TMEM132D: variants seen among roughly 807,000 people sequenced by gnomAD.
TMEM132D encodes the protein mature OL transmembrane protein.
In TMEM132D, 21 loss-of-function variants were observed where a neutral mutation model predicts 62.3. The ratio of observed to expected loss-of-function variants is 0.34; its 90% CI spans 0.24 to 0.49. The LOEUF is 0.49. Among genes scored for constraint, TMEM132D ranks in the 20% least tolerant of loss-of-function variants. The probability of loss-of-function intolerance (pLI) is 0.99; values close to 1 mark genes in which losing one functional copy is unlikely to be tolerated. For synonymous variants in TMEM132D, 621 were observed against 575.6 expected (o/e 1.08, Z -1.13); for missense variants, 1,346 against 1,402.8 (o/e 0.96, Z 0.65).
chr12:129,124,303 G>A (rs749791100), intron 5 of TMEM132D, among the ~76,000 whole-genome samples: 7 of 152,028 alleles, frequency 4.6e-5, no homozygotes, highest in Admixed American at 1.3e-4. Context: ...CACCTTGAAC[G>A]TAGAGGTACT....
chr12:129,381,454 T>A (rs964676873), intron 3 of TMEM132D, among the ~76,000 whole-genome samples: 1 of 152,174 alleles, frequency 6.6e-6, no homozygotes. Flanking sequence ...GTTTGGGACA[T>A]CCTTTTTGTT....
At chr12:129,691,948 G>A (rs983275797) in intron 2 of TMEM132D, among the ~76,000 whole-genome samples, 3 of 151,954 alleles carry the variant, frequency 2.0e-5, no homozygotes, top group African/African-American at 7.3e-5. Flanking sequence ...ATCTATTAAA[G>A]AAGAGTAAAT....
intron 3 of TMEM132D, among the ~76,000 whole-genome samples, chr12:129,480,445 G>A (rs1232934554): frequency 6.6e-6 from 1 of 152,224 alleles, no homozygotes; most frequent in Non-Finnish European, 1.5e-5. Flanking sequence ...GAGCAGACAG[G>A]GAAGGACAAA....
chr12:129,703,667 C>A (rs758656619), intron 1 of TMEM132D, among the ~76,000 whole-genome samples: 1 of 152,038 alleles, frequency 6.6e-6, no homozygotes, highest in East Asian at 1.9e-4. Flanking sequence ...GCTAATAATT[C>A]GCTAAGGACA....
chr12:129,276,562 T>C (rs1246709432), intron 4 of TMEM132D, among the ~76,000 whole-genome samples: 2 of 152,178 alleles, frequency 1.3e-5, no homozygotes, highest in Non-Finnish European at 2.9e-5. Context: ...CCAGATAAAG[T>C]CGTGCAGGCG....
intron 1 of TMEM132D, chr12:129,854,826 G>C (rs531758759): frequency 2.6e-4 from 40 of 152,396 alleles, no homozygotes; most frequent in African/African-American, 9.4e-4. Context: ...GCTGGGATCT[G>C]AGCCGAGCCA....
intron 2 of TMEM132D, among the ~76,000 whole-genome samples, chr12:129,618,657 T>C (rs989915785): frequency 3.3e-5 from 5 of 152,242 alleles, no homozygotes; most frequent in Non-Finnish European, 1.5e-5. Flanking sequence ...ACTGTGTATT[T>C]AAATTATTTA....
intron 2 of TMEM132D, among the ~76,000 whole-genome samples, chr12:129,580,283 T>C (rs1260573370): frequency 6.6e-6 from 1 of 152,196 alleles, no homozygotes; most frequent in Non-Finnish European, 1.5e-5. Context: ...GCCATCAGAT[T>C]ACACCTGCAC....
At chr12:129,097,261 A>T (rs771347807) in intron 5 of TMEM132D, among the ~76,000 whole-genome samples, 3 of 151,986 alleles carry the variant, frequency 2.0e-5, no homozygotes, top group Non-Finnish European at 4.4e-5. Context: ...TTGCTAAAGA[A>T]CCCCTGGGCG....
chr12:129,191,241 G>A (rs1400833089), intron 5 of TMEM132D, among the ~76,000 whole-genome samples: 1 of 150,584 alleles, frequency 6.6e-6, no homozygotes, highest in Non-Finnish European at 1.5e-5. Context: ...ATACATATAT[G>A]TGTGCATACA....
chr12:129,136,334 CG>C (rs1593272839), intron 5 of TMEM132D, among the ~76,000 whole-genome samples: 1 of 152,132 alleles, frequency 6.6e-6, no homozygotes, highest in East Asian at 1.9e-4. Flanking sequence ...AGTGTCTTTA[CG>C]TGTCAGAGCT....
chr12:129,542,137 C>A (rs961771708), intron 2 of TMEM132D, among the ~76,000 whole-genome samples: 1 of 152,150 alleles, frequency 6.6e-6, no homozygotes, highest in South Asian at 2.1e-4. Flanking sequence ...GCTCAGGGGG[C>A]CTCCCCAGCA....
intron 1 of TMEM132D, among the ~76,000 whole-genome samples, chr12:129,732,178 G>A (rs1869271035): frequency 6.6e-6 from 1 of 152,098 alleles, no homozygotes; most frequent in East Asian, 1.9e-4. Context: ...TCCTCAGATC[G>A]CATGGGGAAG....
At chr12:129,248,265 A>C (rs190570845) in intron 4 of TMEM132D, among the ~76,000 whole-genome samples, 2 of 152,350 alleles carry the variant, frequency 1.3e-5, no homozygotes, top group Admixed American at 1.3e-4. Context: ...ACTTTATGAT[A>C]ATAAACTCAA....
At chr12:129,902,452 A>G (rs73442460) in intron 1 of TMEM132D, among the ~76,000 whole-genome samples, 3,831 of 152,078 alleles carry the variant, frequency 0.025, 160 homozygotes, top group African/African-American at 0.089. Context: ...AAATCACACC[A>G]TTTCTCTTCA....
chr12:129,897,339 C>T (rs945083763), intron 1 of TMEM132D, among the ~76,000 whole-genome samples: 11 of 152,200 alleles, frequency 7.2e-5, no homozygotes, highest in Non-Finnish European at 1.6e-4. Context: ...TCTGTGTCTT[C>T]ATTCCGCATG....
At chr12:129,098,035 T>C (rs1875171221) in intron 5 of TMEM132D, among the ~76,000 whole-genome samples, 2 of 152,268 alleles carry the variant, frequency 1.3e-5, no homozygotes, top group African/African-American at 4.8e-5. Flanking sequence ...CTAGGAATTT[T>C]ATCATTTTGC....
chr12:129,540,619 G>T (rs780152778), intron 2 of TMEM132D, among the ~76,000 whole-genome samples: 3 of 151,956 alleles, frequency 2.0e-5, no homozygotes, highest in Admixed American at 6.6e-5. Context: ...CTGAGTAGCT[G>T]GGATTACAGG....
At chr12:129,127,099 G>A (rs1338558906) in intron 5 of TMEM132D, among the ~76,000 whole-genome samples, 2 of 152,228 alleles carry the variant, frequency 1.3e-5, no homozygotes, top group African/African-American at 4.8e-5. Flanking sequence ...CTGAGAGCGA[G>A]AGAGCGGGAT....
Sources: gnomAD v4.1 joint callset for allele counts (sites outside exome capture counted in the v4.1 genomes callset) on GRCh38, gnomAD v4.1.1 for gene constraint, MANE v1.5 for transcripts, NCBI Gene and HGNC (gene_info 2026-07-23, HGNC 2026-07-21) for gene names.